Variants in KCNJ3 observed in about 807,000 individuals in gnomAD.
KCNJ3 encodes the protein G protein-activated inward rectifier potassium channel 1.
A neutral mutation model predicts 39.2 loss-of-function variants in KCNJ3; 4 were observed. The ratio of observed to expected loss-of-function variants is 0.10; its 90% CI spans 0.05 to 0.23. The LOEUF (loss-of-function observed/expected upper bound fraction) is 0.23, where lower values mean the gene tolerates loss of function less well. Ranked by LOEUF, KCNJ3 falls within the 10% of genes least tolerant of loss-of-function variation. The pLI is 1.00. For missense variants in KCNJ3, 276 were observed against 634.9 expected, an observed-to-expected ratio of 0.43 and a Z score of 6.08; for synonymous variants, 230 against 237.4, an observed-to-expected ratio of 0.97 and a Z score of 0.29.
chr2:154,788,200 G>T (rs1686567645), intron 2 of KCNJ3, among the ~76,000 whole-genome samples: 1 of 152,106 alleles, frequency 6.6e-6, no homozygotes, highest in Admixed American at 6.6e-5. Context: ...ATTCTTTATT[G>T]CTATATAAGG....
intron 1 of KCNJ3, among the ~76,000 whole-genome samples, chr2:154,708,529 A>G (rs1685051613): frequency 6.6e-6 from 1 of 152,136 alleles, no homozygotes; most frequent in South Asian, 2.1e-4. Context: ...CATCAGTCCT[A>G]TTTGACCAGC....
chr2:154,700,038 A>C (rs1000640529), intron 1 of KCNJ3, among the ~76,000 whole-genome samples: 4 of 152,154 alleles, frequency 2.6e-5, no homozygotes, highest in African/African-American at 9.7e-5. Context: ...TCTTTTTAAC[A>C]AACACACAGA....
At chr2:154,788,772 G>GT (rs905586676) in intron 2 of KCNJ3, among the ~76,000 whole-genome samples, 15 of 136,954 alleles carry the variant, frequency 1.1e-4, no homozygotes, top group Middle Eastern at 3.7e-3. Context: ...AGTGTGAGTT[G>GT]TTTTTTTTTT....
Position 154,742,770 on chromosome 2 carries a change from T to A in KCNJ3, c.919+32951T>A, listed in dbSNP as rs141436768. The stretch of plus-strand genomic sequence containing the variant: ...AGGAATTCTCTCTATACATCAGATG[T>A]CAATTCTTTATCAGATATATGATTT... On this transcript the variant is annotated intron_variant, in intron 2 of 2. Coordinates refer to ENST00000295101, the MANE Select transcript of KCNJ3 (RefSeq NM_002239.4). Among the ~76,000 whole-genome samples the A allele has an allele frequency of 3.6e-4, 55 of 152,024 alleles. No homozygotes were observed. The East Asian group carries it at 9.9e-3, about 27-fold the overall frequency.
intron 2 of KCNJ3, among the ~76,000 whole-genome samples, chr2:154,843,348 T>C (rs1320075225): frequency 1.3e-5 from 2 of 152,160 alleles, no homozygotes; most frequent in Non-Finnish European, 2.9e-5. Flanking sequence ...AACTCAACCT[T>C]TCTCTCTGGC....
chr2:154,724,457 G>C (rs1206896762), intron 2 of KCNJ3, among the ~76,000 whole-genome samples: 1 of 152,086 alleles, frequency 6.6e-6, no homozygotes, highest in African/African-American at 2.4e-5. Context: ...GAAAGGTATA[G>C]ATAAATCAAC....
intron 2 of KCNJ3, among the ~76,000 whole-genome samples, chr2:154,770,703 C>G (rs1282596199): frequency 6.6e-6 from 1 of 152,008 alleles, no homozygotes; most frequent in African/African-American, 2.4e-5. Context: ...AATTTTCATT[C>G]ACTAGAAAAG....
chr2:154,855,138 C>T lies in KCNJ3; in HGVS notation c.1331C>T (p.Pro444Leu), dbSNP rs1280348842. The T allele has an allele frequency of 6.8e-6, 11 of 1,613,898 alleles. No homozygotes were observed. Among genetic ancestry groups the T allele is most frequent in the Non-Finnish European group, 9.3e-6 (11 of 1,179,944 alleles). Residue 444 changes from proline (P) to leucine (L), a missense_variant, in exon 3 of 3, where the codon CCG becomes CTG. By Grantham distance (98) the Pro-to-Leu change is moderately conservative. Around this residue, in one of 4 missense-constraint regions of KCNJ3, gnomAD observed 126 missense variants for 179.8 expected, o/e 0.70. Transcript: ENST00000295101. Reference protein sequence around the residue: ...PMKLQRISSVPGNSEEKLVSK... With the variant: ...PMKLQRISSVLGNSEEKLVSK... ...AAACTTCAACGAATAAGTTCAGTTC[C>T]GGGCAACTCAGAAGAAAAACTGGTA... is the stretch of plus-strand genomic sequence containing the variant.
intron 2 of KCNJ3, among the ~76,000 whole-genome samples, chr2:154,835,652 T>C (rs1429758447): frequency 6.6e-6 from 1 of 152,018 alleles, no homozygotes; most frequent in African/African-American, 2.4e-5. Context: ...GAGCTCGATT[T>C]CCAAAATCCC....
intron 2 of KCNJ3, among the ~76,000 whole-genome samples, chr2:154,800,899 T>A (rs1328719135): frequency 2.0e-5 from 3 of 152,230 alleles, no homozygotes; most frequent in Admixed American, 6.5e-5. Context: ...TGCAGAATTC[T>A]TGGCGGTACC....
chr2:154,727,609 A>AAAG (rs1282835197), intron 2 of KCNJ3, among the ~76,000 whole-genome samples: 1 of 150,944 alleles, frequency 6.6e-6, no homozygotes, highest in Admixed American at 6.6e-5. Context: ...AAAAAAAAAA[A>AAAG]AGAGAGAAAA....
chr2:154,727,163 A>G (rs1382791376), intron 2 of KCNJ3, among the ~76,000 whole-genome samples: 1 of 152,196 alleles, frequency 6.6e-6, no homozygotes, highest in African/African-American at 2.4e-5. Context: ...GTATGGAAAT[A>G]AAAAACAAAA....
At chr2:154,700,080 C>T (rs1684861579) in intron 1 of KCNJ3, among the ~76,000 whole-genome samples, 2 of 152,090 alleles carry the variant, frequency 1.3e-5, no homozygotes, top group Non-Finnish European at 2.9e-5. Context: ...TGGAAGAAAC[C>T]ACACTTGGTT....
chr2:154,731,839 C>G (rs1229514285), intron 2 of KCNJ3, among the ~76,000 whole-genome samples: 1 of 151,592 alleles, frequency 6.6e-6, no homozygotes, highest in South Asian at 2.1e-4. Flanking sequence ...AAAAATTGTC[C>G]TACCAAATGA....
In KCNJ3 at chr2:154,698,955, G is replaced by C. The variant is rs760626462; in HGVS notation, c.180G>C (p.Leu60=). ...NGRCNVQHGN[L]GSETSRYLSD... ...GGTGCAATGTACAGCACGGCAACCT[G>C]GGCAGCGAGACAAGCCGCTACCTCT... The change falls in exon 1 of 3, where the codon CTG becomes CTC. Residue 60 remains leucine (L), a synonymous_variant. Transcript: ENST00000295101. 31 of 1,614,158 alleles carry C rather than the reference G, an allele frequency of 1.9e-5. No individual in the cohort carries two copies. In the Middle Eastern group the frequency reaches 4.9e-4, roughly 26 times the overall value.
chr2:154,802,436 G>T (rs1249003792), intron 2 of KCNJ3, among the ~76,000 whole-genome samples: 1 of 151,882 alleles, frequency 6.6e-6, no homozygotes, highest in Non-Finnish European at 1.5e-5. Flanking sequence ...ATTTCACATT[G>T]CCAGTTTTTA....
chr2:154,786,799 A>G (rs1313640632), intron 2 of KCNJ3, among the ~76,000 whole-genome samples: 3 of 152,232 alleles, frequency 2.0e-5, no homozygotes, highest in African/African-American at 4.8e-5. Flanking sequence ...TTAGAATAGT[A>G]GTTGCCAAAA....
intron 2 of KCNJ3, among the ~76,000 whole-genome samples, chr2:154,851,348 C>A (rs997955058): frequency 6.6e-6 from 1 of 152,132 alleles, no homozygotes; most frequent in Admixed American, 6.5e-5. Flanking sequence ...ATTCATCACA[C>A]ATATTAAGGC....
intron 2 of KCNJ3, among the ~76,000 whole-genome samples, chr2:154,834,938 A>T (rs1440397610): frequency 1.0e-5 from 1 of 100,260 alleles, no homozygotes; most frequent in Non-Finnish European, 2.3e-5. Context: ...AGCTTTATGA[A>T]TTATTTTAAT....
Sources: allele counts gnomAD v4.1 joint callset (sites outside exome capture counted in the v4.1 genomes callset), GRCh38; gene constraint gnomAD v4.1.1; regional missense constraint gnomAD v4.1.1; transcripts MANE v1.5; gene names NCBI Gene and HGNC (gene_info 2026-07-23, HGNC 2026-07-21).